Variants in CNKSR2 observed in about 807,000 individuals in gnomAD.
The protein encoded by CNKSR2 is CNK homolog protein 2.
A neutral mutation model predicts 84.4 loss-of-function variants in CNKSR2; 14 were observed. The observed-to-expected ratio is 0.17, with a 90% CI of 0.11 to 0.26. The LOEUF is 0.26. CNKSR2 is among the 10% of genes least tolerant of loss of function. The probability of loss-of-function intolerance (pLI) is 1.00; values close to 1 mark genes in which losing one functional copy is unlikely to be tolerated. For synonymous variants in CNKSR2, 275 were observed against 277.9 expected (o/e 0.99, Z 0.10); for missense variants, 485 against 771.2 (o/e 0.63, Z 4.40).
intron 18 of CNKSR2, among the ~76,000 whole-genome samples, chrX:21,603,231 T>C (rs1158069006): frequency 8.9e-6 from 1 of 112,319 alleles, no homozygotes; most frequent in Non-Finnish European, 1.9e-5. Context: ...ATCTCTGAAA[T>C]AATTTTGATT....
intron 1 of CNKSR2, among the ~76,000 whole-genome samples, chrX:21,391,644 G>A (rs970163402): frequency 7.1e-5 from 8 of 112,031 alleles, no homozygotes; most frequent in South Asian, 3.8e-4. Context: ...GACACGAGGG[G>A]CTGCTATGAA....
intron 4 of CNKSR2, among the ~76,000 whole-genome samples, chrX:21,461,917 C>G (rs1224288242): frequency 8.9e-6 from 1 of 111,806 alleles, no homozygotes; most frequent in African/African-American, 3.3e-5. Context: ...TATGCCAGTA[C>G]CATGCTGTTT....
intron 1 of CNKSR2, among the ~76,000 whole-genome samples, chrX:21,421,661 T>A (rs1197836632): frequency 9.0e-6 from 1 of 111,523 alleles, no homozygotes; most frequent in Admixed American, 9.5e-5. Context: ...TCTATGGTAA[T>A]CTTTTTTTTA....
intron 1 of CNKSR2, among the ~76,000 whole-genome samples, chrX:21,418,377 A>AT (rs773657380): frequency 1.8e-5 from 2 of 111,445 alleles, no homozygotes; most frequent in East Asian, 5.6e-4. Flanking sequence ...TGTGGTTACT[A>AT]TTGCCAGTAA....
chrX:21,648,420 A>G (rs1326111485), intron 20 of CNKSR2, among the ~76,000 whole-genome samples: 1 of 111,974 alleles, frequency 8.9e-6, no homozygotes, highest in Non-Finnish European at 1.9e-5. Context: ...CAGCATAATG[A>G]TAAGGGATGT....
At chrX:21,528,520 T>A (rs1384198434) in intron 10 of CNKSR2, among the ~76,000 whole-genome samples, 1 of 111,157 alleles carries the variant, frequency 9.0e-6, no homozygotes, top group Non-Finnish European at 1.9e-5. Flanking sequence ...AAAATACACT[T>A]AAGAGGACAA....
chrX:21,541,755 T>C (rs971637468), intron 11 of CNKSR2, among the ~76,000 whole-genome samples: 25 of 111,714 alleles, frequency 2.2e-4, no homozygotes, highest in African/African-American at 8.1e-4. Flanking sequence ...ATGAGGTATG[T>C]ACTAATAAAA....
At chrX:21,593,913 G>A (rs2092435803) in intron 15 of CNKSR2, 1 of 111,604 alleles carries the variant, frequency 9.0e-6, no homozygotes, top group South Asian at 3.7e-4. Context: ...AAGCAGTGTG[G>A]CAGTACCTCA....
intron 20 of CNKSR2, among the ~76,000 whole-genome samples, chrX:21,635,954 CAT>C (rs1398793032): frequency 1.8e-5 from 2 of 111,225 alleles, no homozygotes; most frequent in Non-Finnish European, 3.8e-5. Context: ...ACCACCCAGT[CAT>C]ATAAGTGAAC....
chrX:21,440,548 T>A (rs776278791), intron 3 of CNKSR2, 146 bp from the exon 4 acceptor site: 37 of 296,744 alleles, frequency 1.2e-4, no homozygotes, highest in Admixed American at 8.7e-4. Context: ...AATCTTTCCT[T>A]AAAATAAGTC....
chrX:21,386,449 T>G (rs1476304644), intron 1 of CNKSR2, among the ~76,000 whole-genome samples: 1 of 112,094 alleles, frequency 8.9e-6, no homozygotes, highest in Non-Finnish European at 1.9e-5. Flanking sequence ...ATGCAAAATA[T>G]GGAGTGGTCA....
intron 5 of CNKSR2, among the ~76,000 whole-genome samples, chrX:21,481,536 G>A (rs980395706): frequency 1.8e-5 from 2 of 111,384 alleles, no homozygotes; most frequent in Non-Finnish European, 3.8e-5. Flanking sequence ...TGAGACCAGG[G>A]AATACAATGA....
intron 13 of CNKSR2, among the ~76,000 whole-genome samples, chrX:21,588,690 T>C (rs2092403007): frequency 8.9e-6 from 1 of 111,870 alleles, no homozygotes; most frequent in African/African-American, 3.2e-5. Flanking sequence ...GTGTAAAATA[T>C]GTTTCATGTA....
intron 13 of CNKSR2, among the ~76,000 whole-genome samples, chrX:21,586,035 T>C (rs994893997): frequency 9.0e-6 from 1 of 111,016 alleles, no homozygotes; most frequent in East Asian, 2.8e-4. Flanking sequence ...GATATGGTCA[T>C]GGTCAAAAAT....
intron 14 of CNKSR2, 167 bp downstream of exon 14, chrX:21,590,787 G>A (rs2092415917): frequency 1.0e-5 from 5 of 497,495 alleles, no homozygotes; most frequent in Non-Finnish European, 1.6e-5. Context: ...ATAATACAAG[G>A]TACCTTTTAC....
chrX:21,514,119 T>A (rs1340117107), intron 8 of CNKSR2, among the ~76,000 whole-genome samples: 1 of 112,014 alleles, frequency 8.9e-6, no homozygotes, highest in Middle Eastern at 4.2e-3. Flanking sequence ...TGGAACTTAC[T>A]TTTTTCACAC....
rs1372040937 is a variant in CNKSR2, at chrX:21,545,182, A to C, written c.1303+13115A>C. Among the ~76,000 whole-genome samples, 6 of 111,763 alleles carry C rather than the reference A, an allele frequency of 5.4e-5. No individual in the cohort carries two copies. The Admixed American group carries it at 5.6e-4, about 11-fold the overall frequency. On this transcript the variant is annotated intron_variant, in intron 11 of 21. Transcript: ENST00000379510. ...CACGGCAGTCTGAAGTGGACCTGGG[A>C]TGCTCAACCTTGCTGGGGGAAGGGG...
At chrX:21,393,585 G>C (rs1334863005) in intron 1 of CNKSR2, among the ~76,000 whole-genome samples, 1 of 112,012 alleles carries the variant, frequency 8.9e-6, no homozygotes, top group Non-Finnish European at 1.9e-5. Flanking sequence ...CACAGATTTA[G>C]GGTGGCTAGC....
At chrX:21,548,792 A>G (rs1312134779) in intron 11 of CNKSR2, among the ~76,000 whole-genome samples, 1 of 112,270 alleles carries the variant, frequency 8.9e-6, no homozygotes, top group African/African-American at 3.2e-5. Flanking sequence ...AACGTAATCC[A>G]TCACAGAAAC....
Sources: allele counts gnomAD v4.1 joint callset (sites outside exome capture counted in the v4.1 genomes callset), GRCh38; gene constraint gnomAD v4.1.1; transcripts MANE v1.5; gene names NCBI Gene and HGNC (gene_info 2026-07-23, HGNC 2026-07-21).